The following FNDC3B variants were observed in gnomAD, a reference collection of about 807,000 sequenced individuals.
The protein encoded by FNDC3B is fibronectin type III domain-containing protein 3B.
Under a neutral mutation model 151.5 loss-of-function variants are expected in FNDC3B, and 12 were observed. That is an observed-to-expected ratio of 0.08 (90% CI 0.05 to 0.13). The LOEUF is 0.13. Ranked by LOEUF, FNDC3B falls within the 10% of genes least tolerant of loss-of-function variation. The pLI is 1.00. For synonymous variants in FNDC3B, 528 were observed against 549.0 expected (o/e 0.96, Z 0.54); for missense variants, 1,214 against 1,505.3 (o/e 0.81, Z 3.20).
In FNDC3B at chr3:172,397,412, G is replaced by T. The variant is rs1736346095; in HGVS notation, c.3552G>T (p.Val1184=). 1 of 1,613,736 alleles carries T rather than the reference G, an allele frequency of 6.2e-7. No homozygotes were observed. Among genetic ancestry groups the T allele is most frequent in the Non-Finnish European group, 8.5e-7 (1 of 1,179,932 alleles). The change falls in exon 26 of 26, where the codon GTG becomes GTT. Residue 1184 remains valine, a synonymous_variant. Coordinates refer to ENST00000415807, the MANE Select transcript of FNDC3B (RefSeq NM_022763.4). ...PTDEQFAAII[V]LGFATLSILF... ...ATGAACAGTTTGCAGCCATCATTGT[G>T]CTTGGCTTTGCAACTTTGTCCATTT...
Position 172,362,724 on chromosome 3 carries a change from A to C in FNDC3B, c.2887A>C (p.Arg963=). The change falls in exon 23 of 26, where the codon AGG becomes CGG. Residue 963 remains arginine (R), a synonymous_variant. Transcript: ENST00000415807. ...KTRPLPPLPP[R]LECAAAGPQS... ...TCGGCCATTACCACCCTTGCCTCCTAGGCTAGAATGTGCTGCTGCTGGTCC... is the reference window on the plus strand; with the variant it reads ...TCGGCCATTACCACCCTTGCCTCCTCGGCTAGAATGTGCTGCTGCTGGTCC... The C allele has an allele frequency of 6.2e-7, 1 of 1,614,054 alleles. No individual in the cohort carries two copies. Among genetic ancestry groups the C allele is most frequent in the South Asian group, 1.1e-5 (1 of 91,088 alleles).
chr3:172,253,353 C>T (rs573377760), intron 6 of FNDC3B, among the ~76,000 whole-genome samples: 100 of 152,304 alleles, frequency 6.6e-4, no homozygotes, highest in African/African-American at 2.0e-3. Flanking sequence ...AAAAGGCAAA[C>T]GTGAATCACA....
At chr3:172,275,368 G>C (rs1169079853) in intron 6 of FNDC3B, among the ~76,000 whole-genome samples, 1 of 152,192 alleles carries the variant, frequency 6.6e-6, no homozygotes, top group African/African-American at 2.4e-5. Flanking sequence ...AACAACAAGG[G>C]CAGCTCATTT....
intron 3 of FNDC3B, among the ~76,000 whole-genome samples, chr3:172,163,526 A>G (rs1407992747): frequency 1.3e-5 from 2 of 152,174 alleles, no homozygotes; most frequent in Admixed American, 1.3e-4. Context: ...ACATGCATCC[A>G]ACACCGCTAC....
intron 3 of FNDC3B, among the ~76,000 whole-genome samples, chr3:172,201,526 T>C (rs1260235693): frequency 2.0e-5 from 3 of 152,200 alleles, no homozygotes; most frequent in Non-Finnish European, 4.4e-5. Context: ...GTAGCAGTAC[T>C]GTAAGCTCTA....
At chr3:172,282,696 C>A (rs148435387) in intron 6 of FNDC3B, among the ~76,000 whole-genome samples, 14 of 152,312 alleles carry the variant, frequency 9.2e-5, no homozygotes, top group African/African-American at 3.1e-4. Flanking sequence ...TTTCTCCCAT[C>A]CACCTCAAGG....
At chr3:172,325,064 T>A (rs1209664105) in intron 11 of FNDC3B, among the ~76,000 whole-genome samples, 1 of 152,224 alleles carries the variant, frequency 6.6e-6, no homozygotes, top group Non-Finnish European at 1.5e-5. Context: ...CTAGCAGCCG[T>A]AGCTGGCCAG....
chr3:172,192,169 G>GTTTTTTTTTTTTTTTTT (rs200952601), intron 3 of FNDC3B, among the ~76,000 whole-genome samples: 1 of 87,364 alleles, frequency 1.1e-5, no homozygotes, highest in Non-Finnish European at 2.4e-5. Flanking sequence ...TTTTGTGTGT[G>GTTTTTTTTTTTTTTTTT]TTTTTTGTTT....
At chr3:172,182,855 A>G (rs1723986092) in intron 3 of FNDC3B, among the ~76,000 whole-genome samples, 2 of 152,272 alleles carry the variant, frequency 1.3e-5, no homozygotes, top group South Asian at 4.1e-4. Flanking sequence ...TTATTAGTTT[A>G]GAAAAGGGAG....
At chr3:172,312,333 G>A (rs866586377) in intron 11 of FNDC3B, among the ~76,000 whole-genome samples, 32 of 152,234 alleles carry the variant, frequency 2.1e-4, no homozygotes, top group Admixed American at 5.9e-4. Context: ...GCCTTAACCC[G>A]TACATTCTAC....
chr3:172,315,801 A>G (rs1195520803), intron 11 of FNDC3B, among the ~76,000 whole-genome samples: 2 of 152,092 alleles, frequency 1.3e-5, no homozygotes, highest in African/African-American at 2.4e-5. Context: ...CAAAACAATG[A>G]CTAGATGCTA....
intron 1 of FNDC3B, among the ~76,000 whole-genome samples, chr3:172,043,624 A>G (rs150343944): frequency 3.1e-4 from 47 of 152,312 alleles, no homozygotes; most frequent in African/African-American, 1.1e-3. Flanking sequence ...CGATATCAGA[A>G]GTTACATTCA....
At chr3:172,259,493 A>G (rs1728532022) in intron 6 of FNDC3B, among the ~76,000 whole-genome samples, 1 of 152,306 alleles carries the variant, frequency 6.6e-6, no homozygotes, top group South Asian at 2.1e-4. Context: ...TTTCATAAGG[A>G]GCATGCTGCT....
At chr3:172,330,844 C>T (rs2108287965) in intron 13 of FNDC3B, 129 bp downstream of exon 13, 3 of 668,594 alleles carry the variant, frequency 4.5e-6, no homozygotes, top group East Asian at 5.7e-5. Flanking sequence ...CCTCTGTCAC[C>T]ACCACTACCA....
intron 3 of FNDC3B, among the ~76,000 whole-genome samples, chr3:172,188,017 C>T (rs1477476784): frequency 4.6e-5 from 6 of 131,604 alleles, no homozygotes; most frequent in African/African-American, 1.4e-4. Flanking sequence ...TTTTTTGAGA[C>T]GGAGTTCTGT....
intron 4 of FNDC3B, among the ~76,000 whole-genome samples, chr3:172,246,573 T>C (rs1488920996): frequency 6.6e-6 from 1 of 152,228 alleles, no homozygotes; most frequent in East Asian, 1.9e-4. Context: ...CCTTCGTTGC[T>C]CTACTTGGAT....
In FNDC3B at chr3:172,344,185, T is replaced by C. The variant is rs374795629; in HGVS notation, c.2177T>C (p.Leu726Pro). 1 of 1,614,062 alleles carries C rather than the reference T, an allele frequency of 6.2e-7. No homozygotes were observed. The highest frequency in any genetic ancestry group is 1.7e-5 in the Admixed American group (1 of 60,010). Residue 726 changes from leucine (L) to proline (P), a missense_variant, in exon 19 of 26, where the codon CTG becomes CCG. By Grantham distance (98) the Leu-to-Pro change is moderately conservative (BLOSUM62 -3). Coordinates refer to ENST00000415807, the MANE Select transcript of FNDC3B (RefSeq NM_022763.4). ...VASEVYHGPE[L>P]ECTVGNLLPG... The stretch of plus-strand genomic sequence containing the variant: ...TCGGAAGTGTACCATGGCCCAGAGC[T>C]GGAGTGCACCGTCGGCAACCTGCTT...
intron 3 of FNDC3B, among the ~76,000 whole-genome samples, chr3:172,171,499 A>T (rs1723280088): frequency 6.6e-6 from 1 of 152,100 alleles, no homozygotes; most frequent in African/African-American, 2.4e-5. Flanking sequence ...GCACACTGGC[A>T]TGAACAGGGA....
At chr3:172,049,989 G>C (rs1288744082) in intron 1 of FNDC3B, among the ~76,000 whole-genome samples, 1 of 152,154 alleles carries the variant, frequency 6.6e-6, no homozygotes, top group African/African-American at 2.4e-5. Flanking sequence ...AGTTACAAAA[G>C]GGATAGAGTG....
Sources: allele counts gnomAD v4.1 joint callset (sites outside exome capture counted in the v4.1 genomes callset), GRCh38; gene constraint gnomAD v4.1.1; transcripts MANE v1.5; gene names NCBI Gene and HGNC (gene_info 2026-07-23, HGNC 2026-07-21).